Variants in STK32B observed in about 807,000 individuals in gnomAD.
The protein encoded by STK32B is serine/threonine-protein kinase 32B.
STK32B carries 43 observed loss-of-function variants against 52.6 expected under a neutral mutation model. The observed-to-expected ratio is 0.82, with a 90% CI of 0.64 to 1.05. STK32B has a LOEUF of 1.05. Among genes scored for constraint, STK32B ranks in the 50% least tolerant of loss-of-function variants. The probability of loss-of-function intolerance (pLI) is 0.00; values close to 1 mark genes in which losing one functional copy is unlikely to be tolerated. For synonymous variants in STK32B, 238 were observed against 204.3 expected (o/e 1.17, Z -1.41); for missense variants, 621 against 534.6 (o/e 1.16, Z -1.59).
chr4:5,090,161 G>T (rs1712990798), intron 1 of STK32B, among the ~76,000 whole-genome samples: 1 of 141,086 alleles, frequency 7.1e-6, no homozygotes, highest in Admixed American at 7.1e-5. Context: ...TCTATAGGTT[G>T]CCTGTTCACT....
At chr4:5,083,008 T>G (rs944117053) in intron 1 of STK32B, among the ~76,000 whole-genome samples, 1 of 152,216 alleles carries the variant, frequency 6.6e-6, no homozygotes, top group Admixed American at 6.5e-5. Flanking sequence ...ACGAACACTT[T>G]ATTTTACCTA....
At chr4:5,170,295 TTTTTTA>T (rs140788301) in intron 3 of STK32B, among the ~76,000 whole-genome samples, 2,065 of 152,110 alleles carry the variant, frequency 0.014, 40 homozygotes, top group African/African-American at 0.048. Flanking sequence ...TTAGGCACCT[TTTTTTA>T]TTTTTATTTT....
At chr4:5,428,644 AAT>A (rs1307068488) in intron 6 of STK32B, among the ~76,000 whole-genome samples, 3 of 152,126 alleles carry the variant, frequency 2.0e-5, no homozygotes, top group Non-Finnish European at 2.9e-5. Flanking sequence ...GTGTTCTATA[AAT>A]GTCAATTAGG....
intron 6 of STK32B, among the ~76,000 whole-genome samples, chr4:5,430,576 C>A (rs1376521687): frequency 3.3e-5 from 5 of 152,144 alleles, no homozygotes; most frequent in African/African-American, 1.2e-4. Flanking sequence ...TTTGTCTCTT[C>A]ACAATGAGTT....
intron 11 of STK32B, among the ~76,000 whole-genome samples, chr4:5,468,540 C>A (rs370869197): frequency 6.6e-6 from 1 of 152,178 alleles, no homozygotes; most frequent in South Asian, 2.1e-4. Flanking sequence ...TCCCGCAGCA[C>A]CTGGTATGGA....
intron 1 of STK32B, among the ~76,000 whole-genome samples, chr4:5,127,339 T>C (rs1715465131): frequency 6.6e-6 from 1 of 152,202 alleles, no homozygotes; most frequent in Non-Finnish European, 1.5e-5. Context: ...GAGGGTCTGA[T>C]AACCAGGCAG....
intron 1 of STK32B, among the ~76,000 whole-genome samples, chr4:5,116,498 G>A (rs1237592879): frequency 6.6e-6 from 1 of 152,074 alleles, no homozygotes. Flanking sequence ...TATTTTGGGG[G>A]GAGTTAGAAC....
At chr4:5,462,189 G>A (rs1458424964) in intron 9 of STK32B, among the ~76,000 whole-genome samples, 2 of 151,886 alleles carry the variant, frequency 1.3e-5, no homozygotes, top group Non-Finnish European at 2.9e-5. Flanking sequence ...ATGTCTGTGT[G>A]CATGCCCGTG....
chr4:5,473,666 G>A (rs947458787), intron 11 of STK32B, among the ~76,000 whole-genome samples: 3 of 152,120 alleles, frequency 2.0e-5, no homozygotes, highest in Non-Finnish European at 4.4e-5. Flanking sequence ...TTCTGTTGGC[G>A]AACCCAGACG....
At chr4:5,305,739 G>A (rs1283893627) in intron 3 of STK32B, among the ~76,000 whole-genome samples, 1 of 151,842 alleles carries the variant, frequency 6.6e-6, no homozygotes, top group Non-Finnish European at 1.5e-5. Context: ...CTTTTCCTTT[G>A]CTAGGGTTGG....
chr4:5,407,267 T>C (rs189257074), intron 5 of STK32B, among the ~76,000 whole-genome samples: 4 of 152,274 alleles, frequency 2.6e-5, no homozygotes, highest in Admixed American at 2.6e-4. Context: ...CAGCCTGGAC[T>C]TCATTGTTCA....
At position 5,499,348 on chromosome 4, in the gene STK32B, C is replaced by T. The variant is rs1016423977; in HGVS notation, c.*265C>T. ...AACACTTCTGCCCCACTTCAAATTACAAGATTATGGGGAGAACCCAATTAG... is the reference window on the plus strand; with the variant it reads ...AACACTTCTGCCCCACTTCAAATTATAAGATTATGGGGAGAACCCAATTAG... On this transcript the variant is annotated 3_prime_UTR_variant, in exon 12 of 12. Coordinates refer to ENST00000282908, the MANE Select transcript of STK32B (RefSeq NM_018401.3). The T allele has an allele frequency of 3.3e-5, 13 of 391,788 alleles. No individual in the cohort carries two copies. Among genetic ancestry groups the T allele is most frequent in the Non-Finnish European group, 4.9e-5 (11 of 224,174 alleles). The allele number at this position is 391,788 out of a possible 1,614,324, so 24.3% of individuals were successfully genotyped here. A position where few individuals can be genotyped will look rare whatever the true frequency, so the allele number is the denominator to read the frequency against.
rs1020591181 is a variant in STK32B at position 5,070,862 on chromosome 4, G to A, written c.52+18947G>A. 4.6e-5 allele frequency among the ~76,000 whole-genome samples: 7 copies of A among 152,112 alleles called. No homozygotes were observed. The South Asian group carries it at 6.2e-4, about 14-fold the overall frequency. ...CTTATTTTGCACTCCCTTTGTATCCGGCGGAACCTCCTGAGTCCACAGAAG... is the reference window on the plus strand; with the variant it reads ...CTTATTTTGCACTCCCTTTGTATCCAGCGGAACCTCCTGAGTCCACAGAAG... On this transcript the variant is annotated intron_variant, in intron 1 of 11. Transcript: ENST00000282908.
intron 4 of STK32B, among the ~76,000 whole-genome samples, chr4:5,337,011 T>C (rs1015062365): frequency 1.3e-5 from 2 of 152,138 alleles, no homozygotes; most frequent in African/African-American, 4.8e-5. Context: ...GACAGAGTTT[T>C]GCTGTCGTTC....
chr4:5,045,147 G>A, the STK32B span, among the ~76,000 whole-genome samples: 1 of 152,200 alleles, frequency 6.6e-6, no homozygotes, highest in Non-Finnish European at 1.5e-5. Flanking sequence ...TCCAGTGTGT[G>A]CCCATTTAAT....
the STK32B span, among the ~76,000 whole-genome samples, chr4:5,028,670 G>A: frequency 6.6e-6 from 1 of 152,200 alleles, no homozygotes; most frequent in Admixed American, 6.5e-5. Context: ...CGGTGGAGAA[G>A]ACCCAGAGTG....
chr4:5,389,297 T>TATGC (rs1736451101), intron 4 of STK32B, among the ~76,000 whole-genome samples: 1 of 152,216 alleles, frequency 6.6e-6, no homozygotes, highest in Non-Finnish European at 1.5e-5. Flanking sequence ...CCTGTGTTTG[T>TATGC]CTGCTAAAGC....
intron 3 of STK32B, among the ~76,000 whole-genome samples, chr4:5,274,809 G>T (rs1006623003): frequency 1.1e-3 from 172 of 152,094 alleles, no homozygotes; most frequent in Non-Finnish European, 1.4e-3. Flanking sequence ...CACCACTGCT[G>T]TTTGCCGCGG....
At position 5,399,752 on chromosome 4, in the gene STK32B, C is replaced by T. The variant is rs973453020; in HGVS notation, c.472+1508C>T. Among the ~76,000 whole-genome samples, 3 of 152,186 alleles carry T rather than the reference C, an allele frequency of 2.0e-5. No individual in the cohort carries two copies. The highest frequency in any genetic ancestry group is 7.2e-5 in the African/African-American group (3 of 41,454). On this transcript the variant is annotated intron_variant, in intron 5 of 11. Coordinates refer to ENST00000282908, the MANE Select transcript of STK32B (RefSeq NM_018401.3). This position sits in a 1 kb window ranked among gnomAD's most constrained non-coding sequence, Gnocchi z 5.4. ...ATGCAGAAGTAATTGACCCACCTTG[C>T]AGGGTGGTGAATGTCTCATCTCGGG... is the stretch of plus-strand genomic sequence containing the variant.
Sources: allele counts gnomAD v4.1 joint callset (sites outside exome capture counted in the v4.1 genomes callset), GRCh38; gene constraint gnomAD v4.1.1; non-coding constraint Gnocchi (gnomAD v3.1); transcripts MANE v1.5; gene names NCBI Gene and HGNC (gene_info 2026-07-23, HGNC 2026-07-21).